TENM3: variants seen among roughly 807,000 people sequenced by gnomAD.
TENM3 encodes teneurin-3.
A neutral mutation model predicts 255.1 loss-of-function variants in TENM3; 63 were observed. The observed-to-expected ratio is 0.25, with a 90% CI of 0.20 to 0.30. The LOEUF (loss-of-function observed/expected upper bound fraction) is 0.30. Ranked by LOEUF, TENM3 falls within the 10% of genes least tolerant of loss-of-function variation. The pLI, the probability that TENM3 is intolerant of heterozygous loss-of-function variation, is 1.00. For missense variants in TENM3, 2,929 were observed against 3,461.1 expected, an observed-to-expected ratio of 0.85 and a Z score of 3.86; for synonymous variants, 1,306 against 1,322.3, an observed-to-expected ratio of 0.99 and a Z score of 0.27.
intron 5 of TENM3, among the ~76,000 whole-genome samples, chr4:182,635,963 C>T (rs1446666958): frequency 2.6e-5 from 4 of 152,160 alleles, no homozygotes; most frequent in African/African-American, 7.2e-5. Context: ...AGCCATTTAA[C>T]TATATATGGC....
At chr4:182,323,339 C>T (rs150897674) in intron 1 of TENM3, among the ~76,000 whole-genome samples, 13 of 151,348 alleles carry the variant, frequency 8.6e-5, no homozygotes, top group Non-Finnish European at 1.9e-4. Context: ...GGAGGACCAG[C>T]TTTTTCCACA....
chr4:182,680,973 A>G (rs2152565918), intron 10 of TENM3, among the ~76,000 whole-genome samples: 1 of 152,308 alleles, frequency 6.6e-6, no homozygotes, highest in Admixed American at 6.5e-5. Flanking sequence ...CTTCACTCTG[A>G]GAAAGCAAGC....
At chr4:182,761,344 G>A (rs1046357533) in intron 22 of TENM3, among the ~76,000 whole-genome samples, 18 of 152,018 alleles carry the variant, frequency 1.2e-4, no homozygotes, top group Non-Finnish European at 2.1e-4. Flanking sequence ...GCTTGAACCC[G>A]GGAGGCAGAT....
chr4:182,155,078 A>G (rs1023807370), intron 1 of TENM3, among the ~76,000 whole-genome samples: 4 of 152,184 alleles, frequency 2.6e-5, no homozygotes, highest in African/African-American at 4.8e-5. Context: ...GTCAGCGTCA[A>G]TCAAATACAA....
chr4:182,161,826 C>T (rs1401714914), intron 1 of TENM3, among the ~76,000 whole-genome samples: 3 of 13,014 alleles, frequency 2.3e-4, no homozygotes, highest in Non-Finnish European at 3.2e-4. Context: ...TATATATATA[C>T]ACATATATAT....
the TENM3 span, among the ~76,000 whole-genome samples, chr4:181,569,328 G>A: frequency 2.7e-5 from 4 of 149,066 alleles, no homozygotes; most frequent in South Asian, 2.1e-4. Flanking sequence ...ACCACGATAA[G>A]CCTGGAAATT....
At chr4:182,143,447 AAATCCTT>A (rs768224250), upstream of TENM3, 621 of 166,946 alleles carry the variant, frequency 3.7e-3, 5 homozygotes, top group Non-Finnish European at 3.8e-3. This position sits in a 1 kb window ranked among gnomAD's most constrained non-coding sequence, Gnocchi z 4.3. Context: ...CCGGGGGTGG[AAATCCTT>A]AATTACACCC....
the TENM3 span, among the ~76,000 whole-genome samples, chr4:181,892,620 C>T: frequency 9.2e-5 from 14 of 152,274 alleles, no homozygotes; most frequent in Admixed American, 7.2e-4. Context: ...TTAGAGCACT[C>T]CTAGCCACCT....
At chr4:181,631,942 C>A in the TENM3 span, among the ~76,000 whole-genome samples, 1 of 152,106 alleles carries the variant, frequency 6.6e-6, no homozygotes, top group African/African-American at 2.4e-5. Flanking sequence ...AGGAGAAAAG[C>A]AATTTCTAAA....
intron 2 of TENM3, 127 bp downstream of exon 2, chr4:182,324,379 A>G (rs1352338996): frequency 1.4e-6 from 1 of 717,480 alleles, no homozygotes; most frequent in Non-Finnish European, 2.4e-6. Flanking sequence ...TCTGATTTTG[A>G]GATATTAGAT....
At chr4:182,038,985 G>T in the TENM3 span, among the ~76,000 whole-genome samples, 1 of 151,970 alleles carries the variant, frequency 6.6e-6, no homozygotes, top group South Asian at 2.1e-4. Context: ...CACCCGCCCC[G>T]GCCTTCCAAA....
Position 182,680,248 on chromosome 4 carries a change from A to C in TENM3, c.1538A>C (p.Glu513Ala). The C allele has an allele frequency of 6.2e-7, 1 of 1,608,574 alleles. No homozygotes were observed. Among genetic ancestry groups the C allele is most frequent in the Non-Finnish European group, 8.5e-7 (1 of 1,175,244 alleles). Residue 513 changes from glutamate (E) to alanine (A), a missense_variant and splice_region_variant, in exon 9 of 28, where the codon GAG (glutamate) becomes GCG (alanine). This residue lies in a region of TENM3 where 1,608 missense variants were observed against 1,884.4 expected (regional missense o/e 0.85). Transcript: ENST00000511685. Reference sequence around the variant, plus strand: ...TGTTCCTTCTTTCCTTTTTCTTCAGAGTCTGTGGTGGAATGTCCCCGAAAT... The same window carrying C: ...TGTTCCTTCTTTCCTTTTTCTTCAGCGTCTGTGGTGGAATGTCCCCGAAAT... ...EQVSFNTIVI[E>A]SVVECPRNCH...
intron 4 of TENM3, among the ~76,000 whole-genome samples, chr4:182,602,115 A>T (rs962357813): frequency 2.0e-5 from 3 of 152,250 alleles, no homozygotes; most frequent in Non-Finnish European, 4.4e-5. Context: ...GGAGCGTAAC[A>T]GTCACTGTCT....
intron 1 of TENM3, among the ~76,000 whole-genome samples, chr4:182,167,285 T>C (rs1037746020): frequency 6.6e-6 from 1 of 152,234 alleles, no homozygotes; most frequent in Non-Finnish European, 1.5e-5. Flanking sequence ...GGATGCCTTT[T>C]TTCCTTTTAA....
chr4:182,571,190 T>A (rs1744321785), intron 3 of TENM3, among the ~76,000 whole-genome samples: 1 of 152,176 alleles, frequency 6.6e-6, no homozygotes, highest in Non-Finnish European at 1.5e-5. Context: ...GGCTGTATTA[T>A]CATGAGGACA....
chr4:181,824,226 C>T, the TENM3 span, among the ~76,000 whole-genome samples: 1 of 151,870 alleles, frequency 6.6e-6, no homozygotes, highest in Non-Finnish European at 1.5e-5. Flanking sequence ...CTCAGCCTCC[C>T]AGGTAGCTGA....
At chr4:182,156,694 G>A (rs1018559118) in intron 1 of TENM3, among the ~76,000 whole-genome samples, 3 of 151,388 alleles carry the variant, frequency 2.0e-5, no homozygotes, top group African/African-American at 7.4e-5. Flanking sequence ...TACTGAATCT[G>A]TAAAAATTAC....
chr4:181,917,996 G>A, the TENM3 span, among the ~76,000 whole-genome samples: 1 of 151,940 alleles, frequency 6.6e-6, no homozygotes, highest in Admixed American at 6.6e-5. Flanking sequence ...CCTTAATTTT[G>A]TTATTATATT....
chr4:181,668,759 A>C, the TENM3 span, among the ~76,000 whole-genome samples: 1 of 152,064 alleles, frequency 6.6e-6, no homozygotes, highest in Non-Finnish European at 1.5e-5. Flanking sequence ...GGAGTAACAC[A>C]ATCCAACCCA....
Sources: gnomAD v4.1 joint callset for allele counts (sites outside exome capture counted in the v4.1 genomes callset) on GRCh38, gnomAD v4.1.1 for gene constraint, gnomAD v4.1.1 regional missense constraint, Gnocchi (gnomAD v3.1) non-coding constraint, MANE v1.5 for transcripts, NCBI Gene and HGNC (gene_info 2026-07-23, HGNC 2026-07-21) for gene names.